Variants in PNPT1 observed in about 807,000 individuals in gnomAD.
PNPT1 encodes polyribonucleotide nucleotidyltransferase 1, mitochondrial.
Under a neutral mutation model 119.5 loss-of-function variants are expected in PNPT1, and 53 were observed. That is an observed-to-expected ratio of 0.44 (90% confidence interval 0.36 to 0.56). PNPT1 has a LOEUF of 0.56. Among genes scored for constraint, PNPT1 ranks in the 20% least tolerant of loss-of-function variants. The pLI is 0.00. For synonymous variants in PNPT1, 357 were observed against 322.1 expected (o/e 1.11, Z -1.16); for missense variants, 948 against 938.5 (o/e 1.01, Z -0.13).
Position 55,644,627 on chromosome 2 carries a change from C to T in PNPT1, c.1906+10G>A. On this transcript the variant is annotated intron_variant, in intron 23 of 27. Transcript: ENST00000447944. ...TAATTAAAAAACCCCAAACTTCATACAACTCTTACCTGTTTCAGCCTGAAG... is the reference window on the plus strand; with the variant it reads ...TAATTAAAAAACCCCAAACTTCATATAACTCTTACCTGTTTCAGCCTGAAG... The T allele has an allele frequency of 1.3e-6, 2 of 1,588,994 alleles. No individual in the cohort carries two copies. The highest frequency in any genetic ancestry group is 1.7e-6 in the Non-Finnish European group (2 of 1,159,364).
intron 15 of PNPT1, 113 bp from the exon 16 acceptor site, chr2:55,656,484 T>C (rs961668364): frequency 9.7e-7 from 1 of 1,030,848 alleles, no homozygotes; most frequent in Non-Finnish European, 1.4e-6. Flanking sequence ...CATTTTTGTT[T>C]TTTAAAAAAG....
At position 55,636,509 on chromosome 2, in the gene PNPT1, C is replaced by A. The variant is rs764648206; in HGVS notation, c.2197-117G>T. On this transcript the variant is annotated intron_variant, in intron 27 of 27. Transcript: ENST00000447944. ...GGCAATGATTGTTTTTACTTGTTCACTGAAAGCATTGTTCAGTGCTAAGTG... is the reference window on the plus strand; with the variant it reads ...GGCAATGATTGTTTTTACTTGTTCAATGAAAGCATTGTTCAGTGCTAAGTG... 1.0e-3 allele frequency: 1,115 copies of A among 1,107,706 alleles called. 1 individual carries two copies. The highest frequency in any genetic ancestry group is 1.9e-3 in the Middle Eastern group (9 of 4,760). 68.6% of individuals were successfully genotyped at this position (1,107,706 alleles called of 1,614,324 possible). A position where few individuals can be genotyped will look rare whatever the true frequency, so the allele number is the denominator to read the frequency against.
intron 14 of PNPT1, among the ~76,000 whole-genome samples, chr2:55,661,155 T>G (rs1696559392): frequency 7.3e-6 from 1 of 136,294 alleles, no homozygotes; most frequent in Admixed American, 8.4e-5. Flanking sequence ...TGGAGCGCAG[T>G]GGTGTGATCT....
At chr2:55,693,124 A>G (rs1254852577) in intron 1 of PNPT1, among the ~76,000 whole-genome samples, 1 of 151,980 alleles carries the variant, frequency 6.6e-6, no homozygotes, top group Non-Finnish European at 1.5e-5. Flanking sequence ...TATTTCCACA[A>G]TGTCTGTGAA....
intron 13 of PNPT1, among the ~76,000 whole-genome samples, chr2:55,666,460 G>A (rs1274067118): frequency 6.6e-6 from 1 of 152,152 alleles, no homozygotes; most frequent in African/African-American, 2.4e-5. Context: ...TTGCATACTT[G>A]TGAAAAGTTA....
chr2:55,678,020 C>T (rs559201189), intron 8 of PNPT1, among the ~76,000 whole-genome samples: 8 of 152,284 alleles, frequency 5.3e-5, no homozygotes, highest in Admixed American at 4.6e-4. Context: ...GGATTACAGG[C>T]GTGAGCCACT....
chr2:55,660,229 G>C, intron 14 of PNPT1, 36 bp from the exon 15 acceptor site: 1 of 1,528,418 alleles, frequency 6.5e-7, no homozygotes, highest in Admixed American at 2.0e-5. Context: ...AAACATCATA[G>C]GGAAAAAACA....
At position 55,667,884 on chromosome 2, in the gene PNPT1, T is replaced by C. The variant is rs1342052916; in HGVS notation, c.1051A>G (p.Ile351Val). The C allele has an allele frequency of 3.1e-6, 5 of 1,597,058 alleles. No homozygotes were observed. The highest frequency in any genetic ancestry group is 3.4e-6 in the Non-Finnish European group (4 of 1,175,556). ...NVVAKEVFRS[I>V]VLNEYKRCDG... is the part of the protein sequence containing the mutation. ...TACCTTTTGTATTCATTCAAAACAATACTTCTAAAAACTTCCTTTGCAACA... is the reference window on the plus strand; with the variant it reads ...TACCTTTTGTATTCATTCAAAACAACACTTCTAAAAACTTCCTTTGCAACA... Residue 351 changes from isoleucine (I) to valine (V), a missense_variant, in exon 12 of 28, where the codon ATT becomes GTT. Physicochemically the swap from Ile to Val is conservative, Grantham distance 29. Coordinates refer to ENST00000447944, the MANE Select transcript of PNPT1 (RefSeq NM_033109.5).
chr2:55,681,142 C>T lies in PNPT1; in HGVS notation c.454-224G>A, dbSNP rs530917937. ...GAAAAACAGGCCAGGCGTGGTGGCTCACGCCTGTAATCTCAGCACTTTGGG... is the reference window on the plus strand; with the variant it reads ...GAAAAACAGGCCAGGCGTGGTGGCTTACGCCTGTAATCTCAGCACTTTGGG... On this transcript the variant is annotated intron_variant, in intron 5 of 27. Coordinates refer to ENST00000447944, the MANE Select transcript of PNPT1 (RefSeq NM_033109.5). 1.3e-5 allele frequency among the ~76,000 whole-genome samples: 2 copies of T among 152,324 alleles called. 1 individual carries two copies. The highest frequency in any genetic ancestry group is 4.1e-4 in the South Asian group (2 of 4,830).
chr2:55,689,228 G>A (rs909330168), intron 1 of PNPT1, among the ~76,000 whole-genome samples: 3 of 152,168 alleles, frequency 2.0e-5, no homozygotes, highest in African/African-American at 7.2e-5. Flanking sequence ...TTTAAAGAAT[G>A]CTTACAATTC....
At chr2:55,684,202 G>A (rs1227666125) in intron 4 of PNPT1, among the ~76,000 whole-genome samples, 1 of 152,168 alleles carries the variant, frequency 6.6e-6, no homozygotes. Context: ...ACATAAAATA[G>A]CAATTTCTGG....
At chr2:55,647,856 C>A (rs1382308153) in intron 18 of PNPT1, among the ~76,000 whole-genome samples, 1 of 152,090 alleles carries the variant, frequency 6.6e-6, no homozygotes, top group Non-Finnish European at 1.5e-5. Context: ...GATATTGTTG[C>A]CTAAATTGAC....
intron 8 of PNPT1, among the ~76,000 whole-genome samples, chr2:55,677,744 CTTGT>C (rs765430604): frequency 1.9e-3 from 280 of 148,088 alleles, no homozygotes; most frequent in South Asian, 3.4e-3. Flanking sequence ...TGTTTGTTTG[CTTGT>C]TTGTTTTTTG....
intron 18 of PNPT1, 129 bp downstream of exon 18, chr2:55,654,771 T>G: frequency 1.3e-6 from 1 of 747,064 alleles, no homozygotes; most frequent in Non-Finnish European, 2.3e-6. Context: ...AGATGAGGTC[T>G]TGCTATGTTG....
chr2:55,660,087 GGGTGAGACC>G (rs1208897867), intron 15 of PNPT1, 61 bp downstream of exon 15: 2 of 1,421,730 alleles, frequency 1.4e-6, no homozygotes, highest in Non-Finnish European at 1.9e-6. Flanking sequence ...CTGGACAACA[GGGTGAGACC>G]TCGTCTCACA....
intron 11 of PNPT1, among the ~76,000 whole-genome samples, chr2:55,668,283 C>A (rs1371990463): frequency 6.6e-6 from 1 of 152,200 alleles, no homozygotes; most frequent in East Asian, 1.9e-4. Context: ...GTTGTCCAGG[C>A]TGGAGTGCAA....
intron 11 of PNPT1, among the ~76,000 whole-genome samples, chr2:55,670,235 G>A (rs1327345787): frequency 1.3e-5 from 2 of 151,902 alleles, no homozygotes; most frequent in Non-Finnish European, 2.9e-5. Flanking sequence ...TGCCCAAGCT[G>A]GAGTGCAGTG....
intron 26 of PNPT1, among the ~76,000 whole-genome samples, chr2:55,638,209 G>C (rs1056366583): frequency 1.3e-5 from 2 of 151,686 alleles, no homozygotes. Context: ...GGCTGAGGCA[G>C]GAGAATTGCC....
intron 11 of PNPT1, among the ~76,000 whole-genome samples, chr2:55,668,465 T>C (rs1250347863): frequency 6.6e-6 from 1 of 152,204 alleles, no homozygotes; most frequent in Admixed American, 6.5e-5. Context: ...CTTGAACTCC[T>C]GAAGTCAGGC....
Sources: gnomAD v4.1 joint callset for allele counts (sites outside exome capture counted in the v4.1 genomes callset) on GRCh38, gnomAD v4.1.1 for gene constraint, MANE v1.5 for transcripts, NCBI Gene and HGNC (gene_info 2026-07-23, HGNC 2026-07-21) for gene names.